CYB5A: variants seen among roughly 807,000 people sequenced by gnomAD.
CYB5A encodes cytochrome b5.
In CYB5A, 10 loss-of-function variants were observed where a neutral mutation model predicts 16.2. The observed-to-expected ratio is 0.62, with a 90% CI of 0.38 to 1.04. The LOEUF is 1.04. CYB5A is among the 50% of genes least tolerant of loss of function. The probability of loss-of-function intolerance (pLI) is 0.01; values close to 1 mark genes in which losing one functional copy is unlikely to be tolerated. For synonymous variants in CYB5A, 62 were observed against 57.0 expected (o/e 1.09, Z -0.40); for missense variants, 161 against 165.9 (o/e 0.97, Z 0.16).
At chr18:74,280,260 A>C (rs1275183753) in intron 1 of CYB5A, among the ~76,000 whole-genome samples, 1 of 152,058 alleles carries the variant, frequency 6.6e-6, no homozygotes, top group Non-Finnish European at 1.5e-5. Context: ...ATCCTAAGTC[A>C]CCTTAAAAAG....
intron 1 of CYB5A, among the ~76,000 whole-genome samples, chr18:74,268,639 G>T (rs961958727): frequency 6.6e-6 from 1 of 152,142 alleles, no homozygotes; most frequent in Non-Finnish European, 1.5e-5. Flanking sequence ...GGTAGGGTGG[G>T]GGCAGCTGCA....
At chr18:74,290,088 G>C (rs1244403464) in intron 1 of CYB5A, among the ~76,000 whole-genome samples, 4 of 152,074 alleles carry the variant, frequency 2.6e-5, no homozygotes, top group African/African-American at 9.7e-5. Context: ...GATGTTATAT[G>C]ACAAGATCTG....
intron 1 of CYB5A, among the ~76,000 whole-genome samples, chr18:74,280,775 A>G (rs1983067081): frequency 6.6e-6 from 1 of 152,012 alleles, no homozygotes; most frequent in Non-Finnish European, 1.5e-5. Context: ...TGAGGTGGAA[A>G]TCTTTGTGCG....
intron 2 of CYB5A, among the ~76,000 whole-genome samples, chr18:74,263,079 T>C (rs1384595201): frequency 2.7e-5 from 4 of 150,850 alleles, no homozygotes; most frequent in Non-Finnish European, 4.4e-5. Flanking sequence ...GCCCAGGAGG[T>C]TGAGGCTGCA....
At chr18:74,258,451 A>G (rs891952708) in intron 3 of CYB5A, 2 of 152,234 alleles carry the variant, frequency 1.3e-5, no homozygotes, top group African/African-American at 2.4e-5. Context: ...ACTTAACACT[A>G]TGCTTTCCTT....
chr18:74,263,321 T>C (rs771915200), intron 2 of CYB5A, 28 bp downstream of exon 2: 17 of 1,613,680 alleles, frequency 1.1e-5, no homozygotes, highest in Non-Finnish European at 1.3e-5. Flanking sequence ...TAAATACAAA[T>C]AAGAAAGGGC....
chr18:74,259,881 T>C (rs1982130241), intron 3 of CYB5A: 1 of 152,208 alleles, frequency 6.6e-6, no homozygotes, highest in South Asian at 2.1e-4. Context: ...GTCAACTTTT[T>C]ATCTCCTGGA....
intron 1 of CYB5A, among the ~76,000 whole-genome samples, chr18:74,285,553 C>A (rs1273724414): frequency 6.6e-6 from 1 of 152,152 alleles, no homozygotes; most frequent in Non-Finnish European, 1.5e-5. Context: ...CACTGGTGTG[C>A]CACCCCAGGG....
At chr18:74,255,178 AG>A (rs930259762) in intron 4 of CYB5A, among the ~76,000 whole-genome samples, 2 of 152,184 alleles carry the variant, frequency 1.3e-5, no homozygotes, top group African/African-American at 4.8e-5. Context: ...TGTGGTTTTG[AG>A]CTTGGGTCCA....
At chr18:74,266,667 C>A (rs1014998716) in intron 1 of CYB5A, among the ~76,000 whole-genome samples, 7 of 151,526 alleles carry the variant, frequency 4.6e-5, no homozygotes, top group Non-Finnish European at 8.8e-5. Flanking sequence ...CCAAGAACAG[C>A]AACAAGGGAT....
intron 1 of CYB5A, among the ~76,000 whole-genome samples, chr18:74,281,062 A>G (rs1459123094): frequency 2.0e-5 from 3 of 152,058 alleles, no homozygotes; most frequent in African/African-American, 7.2e-5. Flanking sequence ...ATGGTAAAAA[A>G]TTGGTGAGAT....
In CYB5A at chr18:74,256,978, C is replaced by A. The variant is rs112662392; in HGVS notation, c.289-1203G>T. 2,503 of 795,180 alleles carry A rather than the reference C, an allele frequency of 3.1e-3. 34 individuals are homozygous for A. The African/African-American group carries it at 0.033, about 10-fold the overall frequency. The allele number at this position is 795,180 out of a possible 1,614,324, so 49.3% of individuals were successfully genotyped here. On this transcript the variant is annotated intron_variant, in intron 3 of 4. Coordinates refer to ENST00000340533, the MANE Select transcript of CYB5A (RefSeq NM_148923.4). ...TTCATAACTACAGCAAGAGGATTTT[C>A]CAAATTGTGTATATATGAATAAAAT...
chr18:74,266,282 G>C (rs1242464032), intron 1 of CYB5A, among the ~76,000 whole-genome samples: 3 of 152,196 alleles, frequency 2.0e-5, no homozygotes, highest in Non-Finnish European at 2.9e-5. Flanking sequence ...CACATGGTGA[G>C]ATATAAAATG....
rs372780821 is a variant in CYB5A at position 74,263,365 on chromosome 18, A to G, written c.242T>C (p.Ile81Thr). Residue 81 changes from isoleucine (I) to threonine (T), a missense_variant, in exon 2 of 5, where the codon ATT becomes ACT. Ile to Thr is a moderately conservative substitution (Grantham distance 89, BLOSUM62 -1). Transcript: ENST00000340533. ...DAREMSKTFI[I>T]GELHPDDRPK... ...TGTACTTACTGGATGGAGCTCCCCA[A>G]TGATGAATGTTTTGGACATTTCCCT... 2.5e-5 allele frequency: 41 copies of G among 1,613,928 alleles called. No homozygotes were observed. Among genetic ancestry groups the G allele is most frequent in the African/African-American group, 5.3e-5 (4 of 74,902 alleles).
At chr18:74,278,343 G>C (rs912829029) in intron 1 of CYB5A, among the ~76,000 whole-genome samples, 1 of 152,214 alleles carries the variant, frequency 6.6e-6, no homozygotes, top group Admixed American at 6.5e-5. Context: ...CCCATCTGCA[G>C]GATTAAGTGA....
At chr18:74,254,155 G>T (rs982805610) in intron 4 of CYB5A, among the ~76,000 whole-genome samples, 1 of 152,190 alleles carries the variant, frequency 6.6e-6, no homozygotes, top group African/African-American at 2.4e-5. Context: ...ACTCCAGCCT[G>T]TGTGATAGAG....
chr18:74,256,752 G>A, intron 3 of CYB5A: 2 of 1,324,466 alleles, frequency 1.5e-6, no homozygotes, highest in African/African-American at 1.4e-5. Context: ...ACTCTGCAAA[G>A]CACGTTAGAG....
intron 1 of CYB5A, among the ~76,000 whole-genome samples, chr18:74,275,408 T>C (rs770779611): frequency 2.6e-5 from 4 of 151,940 alleles, no homozygotes; most frequent in Non-Finnish European, 5.9e-5. Context: ...CTGCCTGGAG[T>C]TGAGATACCG....
intron 1 of CYB5A, among the ~76,000 whole-genome samples, chr18:74,265,772 G>A (rs1982410891): frequency 6.6e-6 from 1 of 152,202 alleles, no homozygotes. Flanking sequence ...TGGCGAGAGA[G>A]GAGGTGGTCC....
Sources: allele counts gnomAD v4.1 joint callset (sites outside exome capture counted in the v4.1 genomes callset), GRCh38; gene constraint gnomAD v4.1.1; transcripts MANE v1.5; gene names NCBI Gene and HGNC (gene_info 2026-07-23, HGNC 2026-07-21).